The following PDE7B variants were observed in gnomAD, a reference collection of about 807,000 sequenced individuals.
PDE7B encodes phosphodiesterase 7B.
In PDE7B, 29 loss-of-function variants were observed where a neutral mutation model predicts 56.2. The observed-to-expected ratio is 0.52, with a 90% CI of 0.38 to 0.70. PDE7B has a LOEUF of 0.70. Among genes scored for constraint, PDE7B ranks in the 30% least tolerant of loss-of-function variants. The pLI is 0.00. For synonymous variants in PDE7B, 197 were observed against 196.9 expected, an observed-to-expected ratio of 1.00 and a Z score of 0.00; for missense variants, 490 against 565.0, an observed-to-expected ratio of 0.87 and a Z score of 1.35.
At chr6:135,860,309 G>A (rs1775121077) in intron 1 of PDE7B, among the ~76,000 whole-genome samples, 1 of 151,924 alleles carries the variant, frequency 6.6e-6, no homozygotes, top group African/African-American at 2.4e-5. Context: ...ATCATTCTAA[G>A]AATGAGTTAG....
At chr6:135,943,436 GGATAAAAGTAAA>G (rs1774540977) in intron 1 of PDE7B, among the ~76,000 whole-genome samples, 1 of 152,064 alleles carries the variant, frequency 6.6e-6, no homozygotes, top group Non-Finnish European at 1.5e-5. Context: ...TGAGAGAAGG[GGATAAAAGTAAA>G]GATAGTCTAT....
intron 1 of PDE7B, among the ~76,000 whole-genome samples, chr6:135,873,603 T>C (rs1775431682): frequency 6.6e-6 from 1 of 152,094 alleles, no homozygotes; most frequent in Admixed American, 6.6e-5. Context: ...GCATATATGA[T>C]TGATTTTGGA....
intron 1 of PDE7B, among the ~76,000 whole-genome samples, chr6:135,894,122 T>G (rs972860832): frequency 6.6e-6 from 1 of 152,180 alleles, no homozygotes; most frequent in African/African-American, 2.4e-5. Flanking sequence ...CAAAATCATC[T>G]TGGTATTTTT....
At chr6:136,043,176 C>T (rs1262330189) in intron 2 of PDE7B, among the ~76,000 whole-genome samples, 1 of 152,206 alleles carries the variant, frequency 6.6e-6, no homozygotes, top group Non-Finnish European at 1.5e-5. Context: ...AGCCTGTTTT[C>T]ACTCTGTAGT....
intron 2 of PDE7B, among the ~76,000 whole-genome samples, chr6:135,956,014 A>G (rs1012509770): frequency 6.6e-6 from 1 of 152,144 alleles, no homozygotes; most frequent in African/African-American, 2.4e-5. Context: ...TGGCGACATA[A>G]CAGAAATGAG....
chr6:136,126,818 T>A (rs1422590599), intron 3 of PDE7B, among the ~76,000 whole-genome samples: 1 of 151,810 alleles, frequency 6.6e-6, no homozygotes, highest in African/African-American at 2.4e-5. Flanking sequence ...TGGGAAGAGG[T>A]TGAGGGATAA....
chr6:136,140,346 C>T (rs1423785495), intron 3 of PDE7B, among the ~76,000 whole-genome samples: 1 of 152,118 alleles, frequency 6.6e-6, no homozygotes, highest in Non-Finnish European at 1.5e-5. Context: ...GTTTTGGTAC[C>T]AGTACCATGC....
At chr6:136,135,033 A>G (rs1778189201) in intron 3 of PDE7B, among the ~76,000 whole-genome samples, 1 of 152,060 alleles carries the variant, frequency 6.6e-6, no homozygotes, top group South Asian at 2.1e-4. Context: ...AGACTTTCCT[A>G]TTCCTCCCCC....
At chr6:136,103,357 C>T (rs1180006211) in intron 2 of PDE7B, among the ~76,000 whole-genome samples, 1 of 152,206 alleles carries the variant, frequency 6.6e-6, no homozygotes, top group African/African-American at 2.4e-5. Flanking sequence ...TCCCATAAAT[C>T]TATGGAGTGA....
intron 11 of PDE7B, among the ~76,000 whole-genome samples, chr6:136,185,719 G>A (rs1049062225): frequency 1.3e-5 from 2 of 152,110 alleles, no homozygotes; most frequent in Admixed American, 6.5e-5. Flanking sequence ...GAGCTATGAT[G>A]ACACCACTGC....
chr6:136,097,980 A>C (rs1235333557), intron 2 of PDE7B: 1 of 152,134 alleles, frequency 6.6e-6, no homozygotes, highest in African/African-American at 2.4e-5. Flanking sequence ...TATGCCAGAC[A>C]AGACAACATA....
intron 2 of PDE7B, among the ~76,000 whole-genome samples, chr6:135,955,675 C>T (rs9376169): frequency 0.9 from 136,279 of 152,094 alleles, 61,326 homozygotes; most frequent in East Asian, 1. Context: ...AGGAGGATAT[C>T]GCTGAAGAAA....
intron 1 of PDE7B, among the ~76,000 whole-genome samples, chr6:135,853,313 G>C (rs1774969429): frequency 6.6e-6 from 1 of 152,266 alleles, no homozygotes; most frequent in South Asian, 2.1e-4. Flanking sequence ...CATAAGACTG[G>C]AATGTACTAA....
At chr6:135,920,599 C>T (rs1475268767) in intron 1 of PDE7B, among the ~76,000 whole-genome samples, 3 of 152,062 alleles carry the variant, frequency 2.0e-5, no homozygotes, top group African/African-American at 4.8e-5. Flanking sequence ...ATGAGTCTAA[C>T]GATGTTTCAG....
intron 2 of PDE7B, among the ~76,000 whole-genome samples, chr6:136,024,410 A>G (rs1182621448): frequency 3.3e-5 from 5 of 152,158 alleles, no homozygotes; most frequent in Non-Finnish European, 2.9e-5. Context: ...TGTTACCTTT[A>G]TCATCTTTTT....
intron 3 of PDE7B, among the ~76,000 whole-genome samples, chr6:136,146,526 G>T (rs1778415048): frequency 6.6e-6 from 1 of 152,170 alleles, no homozygotes; most frequent in Non-Finnish European, 1.5e-5. Flanking sequence ...GGGGCATCCA[G>T]GTCACTTTTT....
intron 3 of PDE7B, among the ~76,000 whole-genome samples, chr6:136,134,348 C>A (rs1027478133): frequency 6.6e-6 from 1 of 152,124 alleles, no homozygotes. Context: ...AGAGTTAATG[C>A]AGCAGTTTTT....
At chr6:135,935,375 G>T (rs1774404739) in intron 1 of PDE7B, among the ~76,000 whole-genome samples, 2 of 150,080 alleles carry the variant, frequency 1.3e-5, no homozygotes, top group South Asian at 2.1e-4. Context: ...CTTCTTAGTG[G>T]AGTAATGGCA....
At chr6:135,885,891 G>A (rs1244692526) in intron 1 of PDE7B, among the ~76,000 whole-genome samples, 4 of 151,250 alleles carry the variant, frequency 2.6e-5, no homozygotes, top group African/African-American at 7.3e-5. Context: ...ATGCTCTGGC[G>A]GACTCCTGTT....
Sources: gnomAD v4.1 joint callset for allele counts (sites outside exome capture counted in the v4.1 genomes callset) on GRCh38, gnomAD v4.1.1 for gene constraint, MANE v1.5 for transcripts, NCBI Gene and HGNC (gene_info 2026-07-23, HGNC 2026-07-21) for gene names.